NALF1: variants seen among roughly 807,000 people sequenced by gnomAD.
The protein encoded by NALF1 is NALCN channel auxiliary factor 1, also known as family with sequence similarity 155 member A.
A neutral mutation model predicts 48.4 loss-of-function variants in NALF1; 3 were observed. The ratio of observed to expected loss-of-function variants is 0.06; its 90% confidence interval spans 0.03 to 0.16. The LOEUF is 0.16. Ranked by LOEUF, NALF1 falls within the 10% of genes least tolerant of loss-of-function variation. NALF1 has a pLI of 1.00. For missense variants in NALF1, 526 were observed against 571.5 expected (o/e 0.92, Z 0.81); for synonymous variants, 262 against 245.7 (o/e 1.07, Z -0.62).
intron 1 of NALF1, among the ~76,000 whole-genome samples, chr13:107,442,638 C>T (rs924750204): frequency 6.6e-6 from 1 of 152,132 alleles, no homozygotes; most frequent in Non-Finnish European, 1.5e-5. Context: ...CACAATTGTC[C>T]TCCAGCAAAC....
chr13:107,804,328 CAG>C (rs1283973237), intron 1 of NALF1, among the ~76,000 whole-genome samples: 1 of 152,072 alleles, frequency 6.6e-6, no homozygotes, highest in Admixed American at 6.6e-5. Context: ...GCTGGGGAGA[CAG>C]AGAGAAAAAG....
chr13:107,838,374 T>G (rs764937977), intron 1 of NALF1, among the ~76,000 whole-genome samples: 1 of 152,190 alleles, frequency 6.6e-6, no homozygotes, highest in Non-Finnish European at 1.5e-5. Context: ...AAGAATAAAT[T>G]AAAATCAAAT....
rs186166093 is a variant in NALF1 at position 107,734,226 on chromosome 13, G to A, written c.915+131456C>T. On this transcript the variant is annotated intron_variant, in intron 1 of 2. Coordinates refer to ENST00000375915, the MANE Select transcript of NALF1 (RefSeq NM_001080396.3). ...AAATGTCATGGCAGGGCACATGACC[G>A]TCTACGATAATGAATCTGGTCTTGC... Among the ~76,000 whole-genome samples the A allele has an allele frequency of 4.8e-4, 73 of 152,098 alleles. 1 individual carries two copies. In the East Asian group the frequency reaches 0.012, roughly 24 times the overall value.
intron 1 of NALF1, among the ~76,000 whole-genome samples, chr13:107,667,020 A>G (rs1050555497): frequency 2.0e-5 from 3 of 152,042 alleles, no homozygotes; most frequent in African/African-American, 4.8e-5. Flanking sequence ...TTTTCCACGA[A>G]CTTTTTGAAG....
chr13:107,399,374 G>T (rs918544806), intron 1 of NALF1, among the ~76,000 whole-genome samples: 2 of 151,998 alleles, frequency 1.3e-5, no homozygotes, highest in African/African-American at 4.8e-5. Flanking sequence ...AGAGTAAAAT[G>T]ATCAACATTC....
At chr13:107,233,361 T>C (rs546188253) in intron 1 of NALF1, among the ~76,000 whole-genome samples, 120 of 152,294 alleles carry the variant, frequency 7.9e-4, no homozygotes, top group African/African-American at 2.8e-3. Flanking sequence ...AGTGGTATCA[T>C]CTTTTTTCAG....
At chr13:107,661,648 T>C (rs1467462197) in intron 1 of NALF1, among the ~76,000 whole-genome samples, 1 of 152,178 alleles carries the variant, frequency 6.6e-6, no homozygotes, top group Non-Finnish European at 1.5e-5. Context: ...CATAATGTTC[T>C]GTGAAAACTG....
chr13:107,451,043 C>T (rs1443776410), intron 1 of NALF1, among the ~76,000 whole-genome samples: 2 of 152,154 alleles, frequency 1.3e-5, no homozygotes, highest in Non-Finnish European at 1.5e-5. Flanking sequence ...TGAAACCAGC[C>T]GCCCTGTAGA....
At chr13:107,342,226 T>G (rs867999569) in intron 1 of NALF1, among the ~76,000 whole-genome samples, 3 of 152,188 alleles carry the variant, frequency 2.0e-5, no homozygotes, top group African/African-American at 7.2e-5. Flanking sequence ...AAAACAGTGG[T>G]AATGGCAAGA....
At chr13:107,530,963 T>A (rs550651940) in intron 1 of NALF1, among the ~76,000 whole-genome samples, 1 of 152,126 alleles carries the variant, frequency 6.6e-6, no homozygotes, top group East Asian at 1.9e-4. Context: ...TAAAAACTGT[T>A]AAAGGGATAG....
At chr13:107,290,657 A>C (rs1881602653) in intron 1 of NALF1, among the ~76,000 whole-genome samples, 1 of 152,188 alleles carries the variant, frequency 6.6e-6, no homozygotes, top group African/African-American at 2.4e-5. Context: ...TCTCGCGGGT[A>C]TGTCTTTATC....
intron 1 of NALF1, among the ~76,000 whole-genome samples, chr13:107,630,604 T>A (rs1358877394): frequency 1.3e-5 from 2 of 152,264 alleles, no homozygotes; most frequent in South Asian, 4.1e-4. Flanking sequence ...ATCTTTTGAA[T>A]GAATAATAGG....
intron 1 of NALF1, among the ~76,000 whole-genome samples, chr13:107,605,899 T>C (rs1879053788): frequency 6.6e-6 from 1 of 152,168 alleles, no homozygotes. Context: ...CACCAGTTAA[T>C]TCATTCCAAA....
chr13:107,215,688 G>A (rs759786490), intron 1 of NALF1, among the ~76,000 whole-genome samples: 2 of 152,056 alleles, frequency 1.3e-5, no homozygotes, highest in African/African-American at 2.4e-5. Flanking sequence ...AATACTACAC[G>A]GGACCAGGAT....
intron 1 of NALF1, among the ~76,000 whole-genome samples, chr13:107,424,486 G>A (rs1489402404): frequency 6.6e-6 from 1 of 152,074 alleles, no homozygotes; most frequent in Non-Finnish European, 1.5e-5. Flanking sequence ...AGGTGATAGG[G>A]ATACTGGCAT....
chr13:107,829,333 C>T (rs2061022230), intron 1 of NALF1, among the ~76,000 whole-genome samples: 1 of 152,174 alleles, frequency 6.6e-6, no homozygotes, highest in Non-Finnish European at 1.5e-5. Flanking sequence ...AAGCCTGTGA[C>T]TCTGATCACA....
chr13:107,388,080 T>C (rs1360612197), intron 1 of NALF1, among the ~76,000 whole-genome samples: 1 of 152,226 alleles, frequency 6.6e-6, no homozygotes, highest in Non-Finnish European at 1.5e-5. Context: ...CCTTGCAAAG[T>C]GGCTTTTAGC....
At chr13:107,435,036 G>T (rs1324706329) in intron 1 of NALF1, among the ~76,000 whole-genome samples, 2 of 152,020 alleles carry the variant, frequency 1.3e-5, no homozygotes, top group African/African-American at 4.8e-5. Context: ...TTTAAAAGAT[G>T]CTTGTTGCCA....
At chr13:107,518,474 T>C (rs1375947853) in intron 1 of NALF1, among the ~76,000 whole-genome samples, 3 of 152,036 alleles carry the variant, frequency 2.0e-5, no homozygotes, top group Non-Finnish European at 4.4e-5. Flanking sequence ...CCAAGGTACT[T>C]GGAGATAAAT....
Sources: gnomAD v4.1 joint callset for allele counts (sites outside exome capture counted in the v4.1 genomes callset) on GRCh38, gnomAD v4.1.1 for gene constraint, MANE v1.5 for transcripts, NCBI Gene and HGNC (gene_info 2026-07-23, HGNC 2026-07-21) for gene names.